The following MRNIP variants were observed in gnomAD, a reference collection of about 807,000 sequenced individuals.
MRNIP encodes the protein MRN complex interacting protein, also known as MRN complex-interacting protein.
A neutral mutation model predicts 29.8 loss-of-function variants in MRNIP; 30 were observed. That is an observed-to-expected ratio of 1.01 (90% CI 0.75 to 1.36). MRNIP has a LOEUF of 1.36. Ranked by LOEUF, MRNIP falls within the 40% of genes most tolerant of loss-of-function variation. MRNIP has a pLI of 0.00. For missense variants in MRNIP, 459 were observed against 423.5 expected, an observed-to-expected ratio of 1.08 and a Z score of -0.74; for synonymous variants, 201 against 164.1, an observed-to-expected ratio of 1.23 and a Z score of -1.72.
At chr5:179,848,999 A>G (rs1399641495) in intron 2 of MRNIP, among the ~76,000 whole-genome samples, 1 of 151,976 alleles carries the variant, frequency 6.6e-6, no homozygotes, top group African/African-American at 2.4e-5. Flanking sequence ...AGATGGTACA[A>G]GACGGAATTT....
At chr5:179,853,989 G>A (rs1282626249) in intron 1 of MRNIP, among the ~76,000 whole-genome samples, 2 of 151,324 alleles carry the variant, frequency 1.3e-5, no homozygotes, top group African/African-American at 4.9e-5. Flanking sequence ...TGGGATTACA[G>A]GTGTGAGCCA....
At position 179,843,133 on chromosome 5, in the gene MRNIP, A is replaced by G. The variant is rs557757379; in HGVS notation, c.291+1019T>C. On this transcript the variant is annotated intron_variant, in intron 4 of 6. Transcript: ENST00000292586. Reference sequence around the variant, plus strand: ...GGAAACAACCTAAATGCCACATAATAAGGAATCAATACTGGTGCATCTACT... The same window carrying G: ...GGAAACAACCTAAATGCCACATAATGAGGAATCAATACTGGTGCATCTACT... 9.9e-5 allele frequency among the ~76,000 whole-genome samples: 15 copies of G among 152,072 alleles called. No homozygotes were observed. In the South Asian group the frequency reaches 3.1e-3, roughly 32 times the overall value.
At chr5:179,851,062 C>G (rs1759347247) in intron 2 of MRNIP, 1 of 373,776 alleles carries the variant, frequency 2.7e-6, no homozygotes, top group Admixed American at 3.2e-5. Flanking sequence ...GCAAGAGAAA[C>G]GTCTATTGTA....
At position 179,851,794 on chromosome 5, in the gene MRNIP, T is replaced by C. The variant is rs190581670; in HGVS notation, c.126+1584A>G. 1.9e-3 allele frequency among the ~76,000 whole-genome samples: 295 copies of C among 152,088 alleles called. 2 individuals are homozygous for C. The highest frequency in any genetic ancestry group is 0.015 in the South Asian group (71 of 4,806). Reference sequence around the variant, plus strand: ...GAGATTGACACCATCCTGGCTAACATGGTGAAACCCCATCTCTACTAAAAA... The same window carrying C: ...GAGATTGACACCATCCTGGCTAACACGGTGAAACCCCATCTCTACTAAAAA... On this transcript the variant is annotated intron_variant, in intron 2 of 6. Transcript: ENST00000292586.
chr5:179,841,879 A>G, intron 5 of MRNIP, 28 bp downstream of exon 5: 1 of 1,609,956 alleles, frequency 6.2e-7, no homozygotes, highest in Non-Finnish European at 8.5e-7. Flanking sequence ...GCCCTGGGCC[A>G]GGGCTGGAAC....
chr5:179,842,022 C>A lies in MRNIP; in HGVS notation c.334G>T (p.Glu112Ter). Residue 112 changes from glutamate to a stop codon, truncating the protein, a stop_gained, in exon 5 of 7, where the codon GAA becomes TAA. Coordinates refer to ENST00000292586, the MANE Select transcript of MRNIP (RefSeq NM_016175.4). LOFTEE classifies it high-confidence loss of function. ...PSESRWLKYL[E>*]KDSQELELEG... is the part of the protein sequence containing the mutation. ...AGCTCCAGTTCTTGGGAGTCCTTTT[C>A]TAGATACTTCAGCCAGCGACTCTCT... 6.2e-7 allele frequency: 1 copy of A among 1,614,150 alleles called. No homozygotes were observed. The highest frequency in any genetic ancestry group is 1.1e-5 in the South Asian group (1 of 91,078).
intron 2 of MRNIP, among the ~76,000 whole-genome samples, chr5:179,852,628 C>A (rs2113568933): frequency 6.6e-6 from 1 of 152,242 alleles, no homozygotes; most frequent in East Asian, 1.9e-4. Context: ...GGGAACTCCA[C>A]AGTGAGCACA....
At chr5:179,851,233 G>A (rs1170492165) in intron 2 of MRNIP, 1 of 455,768 alleles carries the variant, frequency 2.2e-6, no homozygotes, top group South Asian at 1.5e-5. Context: ...CATGTGGGGT[G>A]TCTGCCTACC....
chr5:179,840,783 GCA>G, intron 6 of MRNIP, 87 bp downstream of exon 6: 1 of 1,000,848 alleles, frequency 1.0e-6, no homozygotes, highest in East Asian at 2.6e-5. Flanking sequence ...GGTAGGAATC[GCA>G]CACTTCGTCA....
rs147414531 is a variant in MRNIP at position 179,858,575 on chromosome 5, C to T, written c.66+156G>A. On this transcript the variant is annotated intron_variant, in intron 1 of 6. Coordinates refer to ENST00000292586, the MANE Select transcript of MRNIP (RefSeq NM_016175.4). The stretch of plus-strand genomic sequence containing the variant: ...CAAACAAAAAGCTCAGAACGTTATG[C>T]GGGGGCGACCCCAATGAGACCCGCC... Among the ~76,000 whole-genome samples, 459 of 152,324 alleles carry T rather than the reference C, an allele frequency of 3.0e-3. 1 individual carries two copies. The highest frequency in any genetic ancestry group is 0.011 in the African/African-American group (441 of 41,580).
At chr5:179,856,128 G>A (rs112290381) in intron 1 of MRNIP, among the ~76,000 whole-genome samples, 5,008 of 151,730 alleles carry the variant, frequency 0.033, 275 homozygotes, top group African/African-American at 0.12. Flanking sequence ...GGCTGGTCTC[G>A]AACTCCTGAC....
intron 1 of MRNIP, among the ~76,000 whole-genome samples, chr5:179,854,616 ACCAAAT>A (rs1759507351): frequency 6.6e-6 from 1 of 152,134 alleles, no homozygotes; most frequent in South Asian, 2.1e-4. Context: ...GTCTCACAAA[ACCAAAT>A]CCAAACAAAA....
chr5:179,856,594 C>A (rs1302590842), intron 1 of MRNIP, among the ~76,000 whole-genome samples: 2 of 152,158 alleles, frequency 1.3e-5, no homozygotes, highest in Non-Finnish European at 2.9e-5. Context: ...CTCAGCGACC[C>A]TGAGTAGCTA....
chr5:179,841,068 AC>A, intron 5 of MRNIP, 109 bp from the exon 6 acceptor site: 2 of 707,720 alleles, frequency 2.8e-6, no homozygotes, highest in Non-Finnish European at 4.8e-6. Flanking sequence ...GCTTGTTCCT[AC>A]GGCTTCCCAG....
At chr5:179,850,202 C>T (rs1228641533) in intron 2 of MRNIP, among the ~76,000 whole-genome samples, 6 of 149,678 alleles carry the variant, frequency 4.0e-5, no homozygotes, top group East Asian at 4.0e-4. Flanking sequence ...TGGTACAAGA[C>T]GGAATTTGAG....
intron 3 of MRNIP, chr5:179,846,018 G>A (rs191344710): frequency 4.6e-5 from 7 of 152,114 alleles, no homozygotes; most frequent in African/African-American, 1.4e-4. Context: ...TTTGGTCCAG[G>A]GTATATGAGT....
chr5:179,840,538 T>C (rs115636373), intron 6 of MRNIP: 584 of 469,236 alleles, frequency 1.2e-3, no homozygotes, highest in African/African-American at 9.7e-3. Context: ...TGACGACTCC[T>C]GCCCGGACAA....
intron 4 of MRNIP, among the ~76,000 whole-genome samples, chr5:179,842,834 A>C (rs1758950671): frequency 6.6e-6 from 1 of 150,676 alleles, no homozygotes; most frequent in African/African-American, 2.5e-5. Flanking sequence ...GGAGTTCAAG[A>C]CTAGCCTAGG....
At chr5:179,844,361 T>G in intron 3 of MRNIP, 134 bp from the exon 4 acceptor site, 1 of 685,348 alleles carries the variant, frequency 1.5e-6, no homozygotes, top group African/African-American at 1.8e-5. Flanking sequence ...GAGACAAGTC[T>G]GACGAACACG....
Sources: allele counts gnomAD v4.1 joint callset (sites outside exome capture counted in the v4.1 genomes callset), GRCh38; gene constraint gnomAD v4.1.1; transcripts MANE v1.5; gene names NCBI Gene and HGNC (gene_info 2026-07-23, HGNC 2026-07-21).